Variants in HHAT observed in about 807,000 individuals in gnomAD.
The protein encoded by HHAT is hedgehog acyltransferase, also known as protein-cysteine N-palmitoyltransferase HHAT.
Under a neutral mutation model 70.8 loss-of-function variants are expected in HHAT, and 47 were observed. The observed-to-expected ratio is 0.66, with a 90% CI of 0.53 to 0.85. The LOEUF (loss-of-function observed/expected upper bound fraction) is 0.85, where lower values mean the gene tolerates loss of function less well. Ranked by LOEUF, HHAT falls within the 40% of genes least tolerant of loss-of-function variation. The pLI is 0.00. For missense variants in HHAT, 609 were observed against 604.8 expected (o/e 1.01, Z -0.07); for synonymous variants, 228 against 247.6 (o/e 0.92, Z 0.74).
At chr1:210,425,817 T>C (rs1030427861) in intron 7 of HHAT, among the ~76,000 whole-genome samples, 1 of 152,188 alleles carries the variant, frequency 6.6e-6, no homozygotes, top group African/African-American at 2.4e-5. Flanking sequence ...TTGCCTTGGA[T>C]ATATGGGCTC....
chr1:210,592,563 T>C (rs890790726), intron 10 of HHAT, among the ~76,000 whole-genome samples: 4 of 152,114 alleles, frequency 2.6e-5, no homozygotes, highest in African/African-American at 9.7e-5. Flanking sequence ...TTTAAATTTC[T>C]GTGAAGAATG....
At chr1:210,569,060 C>G (rs1417218883) in intron 9 of HHAT, among the ~76,000 whole-genome samples, 1 of 152,032 alleles carries the variant, frequency 6.6e-6, no homozygotes, top group Non-Finnish European at 1.5e-5. Flanking sequence ...AGAAACCCCC[C>G]ACACATGAGG....
intron 4 of HHAT, among the ~76,000 whole-genome samples, chr1:210,389,559 T>A (rs543627052): frequency 5.1e-4 from 78 of 152,296 alleles, no homozygotes; most frequent in African/African-American, 1.8e-3. Context: ...TCTTATGAGA[T>A]CTCGTTGTTT....
At chr1:210,612,461 C>G (rs1383151051) in intron 10 of HHAT, among the ~76,000 whole-genome samples, 1 of 152,114 alleles carries the variant, frequency 6.6e-6, no homozygotes, top group Non-Finnish European at 1.5e-5. Flanking sequence ...AGAGTTCATT[C>G]ATGTTGTGGC....
chr1:210,631,931 G>A (rs1252057691), intron 11 of HHAT, among the ~76,000 whole-genome samples: 1 of 152,160 alleles, frequency 6.6e-6, no homozygotes, highest in East Asian at 1.9e-4. Context: ...AAACAAAGAC[G>A]GAAAAAAGCA....
chr1:210,432,774 T>G (rs1161633206), intron 7 of HHAT, among the ~76,000 whole-genome samples: 1 of 151,748 alleles, frequency 6.6e-6, no homozygotes, highest in Non-Finnish European at 1.5e-5. Flanking sequence ...CCCCTTTCTT[T>G]CCAGCACATG....
At chr1:210,355,550 T>C (rs2087521778) in intron 2 of HHAT, among the ~76,000 whole-genome samples, 1 of 152,224 alleles carries the variant, frequency 6.6e-6, no homozygotes, top group African/African-American at 2.4e-5. Context: ...TTCATTCCTA[T>C]TACAAACCTA....
At chr1:210,529,147 A>G (rs2095284962) in intron 9 of HHAT, among the ~76,000 whole-genome samples, 1 of 152,010 alleles carries the variant, frequency 6.6e-6, no homozygotes, top group Admixed American at 6.5e-5. Flanking sequence ...TCTACTGAAA[A>G]AACAAAAATT....
chr1:210,399,250 A>G (rs1215327051), intron 4 of HHAT, among the ~76,000 whole-genome samples: 2 of 152,074 alleles, frequency 1.3e-5, no homozygotes, highest in African/African-American at 4.8e-5. Context: ...AGATATTGTT[A>G]TTATTCCAGT....
chr1:210,645,049 T>C (rs1480158860), intron 11 of HHAT, among the ~76,000 whole-genome samples: 1 of 152,214 alleles, frequency 6.6e-6, no homozygotes, highest in Non-Finnish European at 1.5e-5. Flanking sequence ...ATTTAGTTAA[T>C]ATATTTAGTC....
intron 8 of HHAT, among the ~76,000 whole-genome samples, chr1:210,501,342 C>G (rs139724570): frequency 6.6e-6 from 1 of 152,242 alleles, no homozygotes. Context: ...ATCTCCTCCC[C>G]GTTCTCCCTT....
chr1:210,485,360 T>G (rs937218134), intron 8 of HHAT, among the ~76,000 whole-genome samples: 7 of 152,194 alleles, frequency 4.6e-5, no homozygotes, highest in Non-Finnish European at 1.0e-4. Flanking sequence ...ACTTCTTCAC[T>G]AGTCAGCCCT....
In HHAT at chr1:210,465,781, C is replaced by G. The variant is rs539821859; in HGVS notation, c.1007+1126C>G. ...AACTTATTACAGATGCTGAATTTATCAAAGCCTCTCTAAATACATTTTATT... is the reference window on the plus strand; with the variant it reads ...AACTTATTACAGATGCTGAATTTATGAAAGCCTCTCTAAATACATTTTATT... On this transcript the variant is annotated intron_variant, in intron 8 of 11. Coordinates refer to ENST00000261458, the MANE Select transcript of HHAT (RefSeq NM_018194.6). Among the ~76,000 whole-genome samples the G allele has an allele frequency of 2.3e-4, 35 of 152,376 alleles. No individual in the cohort carries two copies. The East Asian group carries it at 6.0e-3, about 26-fold the overall frequency.
intron 7 of HHAT, among the ~76,000 whole-genome samples, chr1:210,418,927 A>G (rs1572298147): frequency 1.3e-5 from 2 of 151,970 alleles, no homozygotes; most frequent in African/African-American, 4.8e-5. Context: ...CAGCTACTCG[A>G]GAGGCTGAGG....
chr1:210,422,602 G>C (rs1030253882), intron 7 of HHAT, among the ~76,000 whole-genome samples: 1 of 152,034 alleles, frequency 6.6e-6, no homozygotes, highest in Non-Finnish European at 1.5e-5. Flanking sequence ...TTTTATGGTG[G>C]CATGGTATTC....
intron 8 of HHAT, among the ~76,000 whole-genome samples, chr1:210,468,559 A>G (rs957176127): frequency 2.0e-5 from 3 of 152,124 alleles, no homozygotes; most frequent in African/African-American, 7.2e-5. Context: ...GAGAATGAGG[A>G]GGAATCTGAG....
At chr1:210,534,520 G>A (rs2095350029) in intron 9 of HHAT, among the ~76,000 whole-genome samples, 1 of 152,030 alleles carries the variant, frequency 6.6e-6, no homozygotes, top group Admixed American at 6.6e-5. Context: ...TAGAAGTGTT[G>A]AATTTTAATT....
At chr1:210,519,588 C>T (rs558895232) in intron 9 of HHAT, among the ~76,000 whole-genome samples, 3 of 140,420 alleles carry the variant, frequency 2.1e-5, no homozygotes, top group South Asian at 2.3e-4. Flanking sequence ...AGTGCAGTGG[C>T]GTGATCATGG....
At chr1:210,575,751 A>G (rs1466817091) in intron 9 of HHAT, among the ~76,000 whole-genome samples, 1 of 152,254 alleles carries the variant, frequency 6.6e-6, no homozygotes, top group African/African-American at 2.4e-5. Context: ...CACATGTGTC[A>G]TCAGAACTTT....
Sources: gnomAD v4.1 joint callset for allele counts (sites outside exome capture counted in the v4.1 genomes callset) on GRCh38, gnomAD v4.1.1 for gene constraint, MANE v1.5 for transcripts, NCBI Gene and HGNC (gene_info 2026-07-23, HGNC 2026-07-21) for gene names.